Variants in TLE3 observed in about 807,000 individuals in gnomAD.
TLE3 encodes TLE family member 3, transcriptional corepressor, also known as transducin-like enhancer protein 3.
Under a neutral mutation model 93.0 loss-of-function variants are expected in TLE3, and 14 were observed. The ratio of observed to expected loss-of-function variants is 0.15; its 90% CI spans 0.10 to 0.24. The LOEUF (loss-of-function observed/expected upper bound fraction) is 0.24, where lower values mean the gene tolerates loss of function less well. Ranked by LOEUF, TLE3 falls within the 10% of genes least tolerant of loss-of-function variation. The pLI is 1.00. For synonymous variants in TLE3, 451 were observed against 425.0 expected (o/e 1.06, Z -0.75); for missense variants, 693 against 1,046.6 (o/e 0.66, Z 4.66).
intron 8 of TLE3, 105 bp downstream of exon 8, chr15:70,064,349 T>C: frequency 7.1e-7 from 1 of 1,411,540 alleles, no homozygotes; most frequent in Non-Finnish European, 9.8e-7. Flanking sequence ...AAGCCAGCTT[T>C]GGATACCGAC....
chr15:70,052,586 G>A (rs2055647321), intron 17 of TLE3, 62 bp from the exon 18 acceptor site: 9 of 1,541,584 alleles, frequency 5.8e-6, no homozygotes, highest in Middle Eastern at 1.7e-4. Context: ...AGAGGAGGGC[G>A]GCTCCCAAAG....
At chr15:70,065,478 C>T (rs952057090) in intron 7 of TLE3, among the ~76,000 whole-genome samples, 1 of 152,232 alleles carries the variant, frequency 6.6e-6, no homozygotes, top group Non-Finnish European at 1.5e-5. Context: ...TACCTGAGCA[C>T]TGACTGTGCA....
At chr15:70,077,282 A>T (rs145064757) in intron 4 of TLE3, among the ~76,000 whole-genome samples, 1 of 152,302 alleles carries the variant, frequency 6.6e-6, no homozygotes, top group African/African-American at 2.4e-5. Flanking sequence ...CCACTGACAG[A>T]CGACTCTCAG....
chr15:70,096,383 C>G, intron 1 of TLE3, 122 bp from the exon 2 acceptor site: 1 of 1,470,530 alleles, frequency 6.8e-7, no homozygotes, highest in South Asian at 1.3e-5. Flanking sequence ...AGAACCTTCC[C>G]AGCAAGTTTC....
At chr15:70,095,292 G>A in intron 3 of TLE3, 1 of 1,332,340 alleles carries the variant, frequency 7.5e-7, no homozygotes. Context: ...ATCAGCCCCT[G>A]GGAAACTTTC....
At chr15:70,084,067 C>T (rs1191858436) in intron 4 of TLE3, among the ~76,000 whole-genome samples, 3 of 152,226 alleles carry the variant, frequency 2.0e-5, no homozygotes, top group Non-Finnish European at 4.4e-5. Context: ...TATGCTCCTT[C>T]TCAAACTGAC....
chr15:70,091,003 C>A (rs2058282023), intron 4 of TLE3, among the ~76,000 whole-genome samples: 1 of 152,204 alleles, frequency 6.6e-6, no homozygotes, highest in Non-Finnish European at 1.5e-5. Flanking sequence ...TTGAGTCTTA[C>A]AGAAAAGAGT....
Position 70,054,680 on chromosome 15 carries a change from C to T in TLE3, c.1584G>A (p.Arg528=). ...GCTTGCAGGAGCGGATGTAATTGTCCCTGTTCTGGAGGGAGAAGGGGCAGG... is the reference window on the plus strand; with the variant it reads ...GCTTGCAGGAGCGGATGTAATTGTCTCTGTTCTGGAGGGAGAAGGGGCAGG... The part of the protein sequence containing the change: ...SPISQLDCLN[R]DNYIRSCKLL... Residue 528 remains arginine (R), a synonymous_variant, in exon 16 of 20, where the codon AGG becomes AGA. Coordinates refer to ENST00000451782, the MANE Select transcript of TLE3 (RefSeq NM_001105192.3). The T allele has an allele frequency of 1.3e-6, 2 of 1,592,050 alleles. No homozygotes were observed. The highest frequency in any genetic ancestry group is 1.7e-6 in the Non-Finnish European group (2 of 1,166,218).
intron 4 of TLE3, among the ~76,000 whole-genome samples, chr15:70,080,063 GAAA>G (rs35291213): frequency 0.015 from 2,177 of 143,984 alleles, 85 homozygotes; most frequent in Admixed American, 0.084. Flanking sequence ...TCCAAAAAAG[GAAA>G]AAAAAAAAAA....
At position 70,053,386 on chromosome 15, in the gene TLE3, A is replaced by C. The variant is rs2055717533; in HGVS notation, c.1827-12T>G. The C allele has an allele frequency of 1.9e-6, 3 of 1,592,988 alleles. No individual in the cohort carries two copies. Among genetic ancestry groups the C allele is most frequent in the Non-Finnish European group, 1.7e-6 (2 of 1,165,454 alleles). On this transcript the variant is annotated splice_polypyrimidine_tract_variant and intron_variant, in intron 16 of 19. Coordinates refer to ENST00000451782, the MANE Select transcript of TLE3 (RefSeq NM_001105192.3). ...GGCCCTGGAACTGCCTACGAAAGCC[A>C]AGCAGGGAGGAGGGTGAGTCCCGGG...
intron 14 of TLE3, 187 bp downstream of exon 14, chr15:70,056,111 G>A (rs2055997212): frequency 3.0e-6 from 2 of 677,192 alleles, no homozygotes; most frequent in South Asian, 1.7e-5. Context: ...CAGAAGTGTG[G>A]CTTGGCTACA....
rs1308487594 is a variant in TLE3 at position 70,050,151 on chromosome 15, G to A, written c.2256C>T (p.Tyr752=). ...LSCDISADDK[Y]IVTGSGDKKA... The stretch of plus-strand genomic sequence containing the variant: ...TCTTGTCACCAGAGCCTGTTACAAT[G>A]TATTTGTCATCCGCTGAAATGTCAC... The change falls in exon 20 of 20, where the codon TAC becomes TAT. Residue 752 remains tyrosine, a synonymous_variant. Transcript: ENST00000451782. The A allele has an allele frequency of 2.5e-6, 4 of 1,614,152 alleles. No individual in the cohort carries two copies. In the Admixed American group the frequency reaches 5.0e-5, roughly 20 times the overall value.
chr15:70,068,829 T>G (rs546149880), intron 6 of TLE3, among the ~76,000 whole-genome samples: 1 of 152,346 alleles, frequency 6.6e-6, no homozygotes, highest in South Asian at 2.1e-4. Flanking sequence ...CCATATCCTC[T>G]GAATGCCCTC....
At chr15:70,094,819 C>CA in intron 3 of TLE3, 1 of 507,288 alleles carries the variant, frequency 2.0e-6, no homozygotes. Context: ...CCTTCCCTCC[C>CA]ACAAGCACCA....
intron 16 of TLE3, 153 bp from the exon 17 acceptor site, chr15:70,053,527 G>C: frequency 1.1e-6 from 1 of 875,838 alleles, no homozygotes; most frequent in Non-Finnish European, 1.6e-6. Context: ...AGCAAAGCTA[G>C]CCCCGGCCTC....
chr15:70,095,786 G>A, intron 2 of TLE3, 145 bp from the exon 3 acceptor site: 1 of 965,884 alleles, frequency 1.0e-6, no homozygotes, highest in Non-Finnish European at 1.5e-6. Context: ...TGGGGACGCG[G>A]GGGGATTTGG....
At chr15:70,072,396 C>T (rs1057450008) in intron 6 of TLE3, among the ~76,000 whole-genome samples, 2 of 152,134 alleles carry the variant, frequency 1.3e-5, no homozygotes, top group African/African-American at 4.8e-5. Flanking sequence ...GGCCTGGAAA[C>T]CTCAAGAAGA....
chr15:70,074,719 T>C (rs2057356241), intron 5 of TLE3, 112 bp from the exon 6 acceptor site: 1 of 811,354 alleles, frequency 1.2e-6, no homozygotes, highest in Non-Finnish European at 1.9e-6. Flanking sequence ...GACAGAGGAG[T>C]CCCACTGAAC....
Position 70,096,185 on chromosome 15 carries a change from T to A in TLE3, c.101A>T (p.Gln34Leu). The change falls in exon 2 of 20, where the codon CAG (glutamine) becomes CTG (leucine). Residue 34 changes from glutamine to leucine, a missense_variant. Gln to Leu is a moderately radical substitution (Grantham distance 113). This residue lies in a region of TLE3 where 104 missense variants were observed against 173.8 expected (regional missense o/e 0.60). Transcript: ENST00000451782. ...ESCDRIKDEF[Q>L]FLQAQYHSLK... ...CCTGTGATACTGAGCTTGCAGGAAC[T>A]GGAATTCGTCTTTGATCCTGTCACA... 6.4e-7 allele frequency: 1 copy of A among 1,559,620 alleles called. No homozygotes were observed. The highest frequency in any genetic ancestry group is 8.7e-7 in the Non-Finnish European group (1 of 1,151,548).
Sources: gnomAD v4.1 joint callset for allele counts (sites outside exome capture counted in the v4.1 genomes callset) on GRCh38, gnomAD v4.1.1 for gene constraint, gnomAD v4.1.1 regional missense constraint, MANE v1.5 for transcripts, NCBI Gene and HGNC (gene_info 2026-07-23, HGNC 2026-07-21) for gene names.